The following DGKK variants were observed in gnomAD, a reference collection of about 807,000 sequenced individuals.
DGKK encodes the protein 142 kDa diacylglycerol kinase.
In DGKK, 35 loss-of-function variants were observed where a neutral mutation model predicts 92.2. The observed-to-expected ratio is 0.38, with a 90% CI of 0.29 to 0.50. DGKK has a LOEUF of 0.50. Among genes scored for constraint, DGKK ranks in the 20% least tolerant of loss-of-function variants. The pLI, the probability that DGKK is intolerant of heterozygous loss-of-function variation, is 0.92. For synonymous variants in DGKK, 368 were observed against 360.6 expected, an observed-to-expected ratio of 1.02 and a Z score of -0.23; for missense variants, 910 against 992.2, an observed-to-expected ratio of 0.92 and a Z score of 1.11.
At chrX:50,431,005 A>G (rs1190641277) in intron 1 of DGKK, among the ~76,000 whole-genome samples, 2 of 110,616 alleles carry the variant, frequency 1.8e-5, no homozygotes, top group Non-Finnish European at 3.8e-5. Flanking sequence ...AGCTTCTACT[A>G]TCTGCTACAT....
At chrX:50,427,723 A>G (rs1344388062) in intron 1 of DGKK, among the ~76,000 whole-genome samples, 1 of 109,381 alleles carries the variant, frequency 9.1e-6, no homozygotes, top group African/African-American at 3.3e-5. Flanking sequence ...ATTTTTCTAT[A>G]TATCTAAAAC....
intron 18 of DGKK, 49 bp from the exon 19 acceptor site, chrX:50,380,126 T>C: frequency 4.0e-6 from 4 of 1,011,558 alleles, no homozygotes; most frequent in Non-Finnish European, 5.6e-6. Context: ...GATATATAGA[T>C]AAATGGTGGA....
rs782791352 is a variant in DGKK at position 50,370,497 on chromosome X, G to A, written c.3665C>T (p.Pro1222Leu). 2.5e-5 allele frequency: 30 copies of A among 1,193,537 alleles called. No individual in the cohort carries two copies. The Admixed American group carries it at 6.7e-4, about 27-fold the overall frequency. ...SRSLRLKIKF[P>L]KLGKKKVEEE... is the part of the protein sequence containing the mutation. ...TTCTACCTTTTTCTTTCCCAATTTGGGGAACTTAATTTTCAGCCTGAGGCT... is the reference window on the plus strand; with the variant it reads ...TTCTACCTTTTTCTTTCCCAATTTGAGGAACTTAATTTTCAGCCTGAGGCT... Residue 1222 changes from proline (P) to leucine (L), a missense_variant, in exon 27 of 28, where the codon CCC becomes CTC. Coordinates refer to ENST00000611977, the MANE Select transcript of DGKK (RefSeq NM_001013742.4).
chrX:50,418,435 A>T (rs1227254885), intron 4 of DGKK, among the ~76,000 whole-genome samples: 2 of 111,620 alleles, frequency 1.8e-5, no homozygotes, highest in Admixed American at 1.9e-4. Flanking sequence ...CTAGTTTCCA[A>T]TAGATTATCC....
chrX:50,369,028 G>GA lies in DGKK; in HGVS notation c.3737-10dup, dbSNP rs782242724. The GA allele has an allele frequency of 1.1e-3, 1,252 of 1,182,949 alleles. No homozygotes were observed. The highest frequency in any genetic ancestry group is 1.3e-3 in the Non-Finnish European group (1,105 of 876,382). ...GCGGTGCCATAAATTGCCTTCAGAG[G>GA]AAAAAAAATGGTATAGAAATAATGA... On this transcript the variant is annotated splice_polypyrimidine_tract_variant and intron_variant, in intron 27 of 27. Transcript: ENST00000611977.
At chrX:50,374,359 G>C (rs1188550347) in intron 25 of DGKK, among the ~76,000 whole-genome samples, 3 of 111,657 alleles carry the variant, frequency 2.7e-5, no homozygotes, top group Non-Finnish European at 5.6e-5. Context: ...CTGGAAGCTA[G>C]AAAGAGGCAA....
At chrX:50,404,406 G>T (rs1925093587) in intron 4 of DGKK, among the ~76,000 whole-genome samples, 1 of 109,074 alleles carries the variant, frequency 9.2e-6, no homozygotes, top group African/African-American at 3.3e-5. Flanking sequence ...TAATAGAGGG[G>T]CAGACCCTGG....
At chrX:50,375,746 G>A (rs184343013) in intron 24 of DGKK, among the ~76,000 whole-genome samples, 2 of 111,440 alleles carry the variant, frequency 1.8e-5, no homozygotes, top group East Asian at 2.8e-4. Flanking sequence ...GTTTCTCTTC[G>A]TTTATTGTCC....
intron 11 of DGKK, 117 bp from the exon 12 acceptor site, chrX:50,390,526 T>C: frequency 2.0e-6 from 1 of 511,064 alleles, no homozygotes; most frequent in Non-Finnish European, 3.2e-6. Context: ...AGGTGGGTTG[T>C]AGGGGGTGTC....
chrX:50,468,561 C>T (rs1242657936), intron 1 of DGKK, among the ~76,000 whole-genome samples: 1 of 111,422 alleles, frequency 9.0e-6, no homozygotes, highest in Non-Finnish European at 1.9e-5. Flanking sequence ...AGTCTCCCAC[C>T]GTCATGTTTT....
intron 11 of DGKK, 88 bp from the exon 12 acceptor site, chrX:50,390,497 A>C (rs1924659751): frequency 1.3e-6 from 1 of 781,050 alleles, no homozygotes; most frequent in Non-Finnish European, 1.9e-6. Flanking sequence ...AGAAGTAAAA[A>C]TGTTTATGTG....
chrX:50,388,734 G>A (rs1438412659), intron 12 of DGKK, 116 bp from the exon 13 acceptor site: 7 of 458,785 alleles, frequency 1.5e-5, no homozygotes, highest in Non-Finnish European at 2.5e-5. Flanking sequence ...CAACTCAACT[G>A]CCTCTCTGGA....
At chrX:50,414,365 A>G (rs1452409965) in intron 4 of DGKK, among the ~76,000 whole-genome samples, 1 of 111,596 alleles carries the variant, frequency 9.0e-6, no homozygotes, top group Non-Finnish European at 1.9e-5. Context: ...ACCATAAAAA[A>G]TGATAGGTAA....
chrX:50,470,667 T>A lies in DGKK; in HGVS notation c.12A>T (p.Gly4=). 9.0e-7 allele frequency: 1 copy of A among 1,112,271 alleles called. No individual in the cohort carries two copies. Among genetic ancestry groups the A allele is most frequent in the Non-Finnish European group, 1.2e-6 (1 of 854,240 alleles). 91.7% of individuals were successfully genotyped at this position (1,112,271 alleles called of 1,213,427 possible). The change falls in exon 1 of 28, where the codon GGA becomes GGT. Residue 4 remains glycine, a synonymous_variant. Coordinates refer to ENST00000611977, the MANE Select transcript of DGKK (RefSeq NM_001013742.4). ...GGGCAGTGCCCTGGGCTGCGGCAGCTCCGCGGTCCATGGCCGCACACCGCT... is the reference window on the plus strand; with the variant it reads ...GGGCAGTGCCCTGGGCTGCGGCAGCACCGCGGTCCATGGCCGCACACCGCT... MDR[G]AAAAQGTAPP...
intron 14 of DGKK, 128 bp downstream of exon 14, chrX:50,387,426 G>T: frequency 1.9e-6 from 1 of 516,563 alleles, no homozygotes. Context: ...TCCTCATCAG[G>T]GAGGCTTAAC....
intron 8 of DGKK, among the ~76,000 whole-genome samples, chrX:50,399,882 T>C (rs782361879): frequency 1.8e-5 from 2 of 111,283 alleles, no homozygotes; most frequent in East Asian, 5.7e-4. Flanking sequence ...AAAGAAAAAG[T>C]AGGGAAGGAG....
At position 50,470,177 on chromosome X, in the gene DGKK, C is replaced by T. The variant is rs782108080; in HGVS notation, c.502G>A (p.Glu168Lys). 4.1e-6 allele frequency: 5 copies of T among 1,210,824 alleles called. No individual in the cohort carries two copies. The African/African-American group carries it at 7.0e-5, about 17-fold the overall frequency. The change falls in exon 1 of 28, where the codon GAG (glutamate) becomes AAG (lysine). Residue 168 changes from glutamate (E) to lysine (K), a missense_variant. Physicochemically the swap from Glu to Lys is moderately conservative, Grantham distance 56 (BLOSUM62 1). Transcript: ENST00000611977. ...CTTGGACGGAACTCTGGAGCCGCCT[C>T]AGGGCAGAACTCTGGGGCCAGCTCT... is the stretch of plus-strand genomic sequence containing the variant. ...VTELAPEFCP[E>K]AAPEFRPSPA...
At chrX:50,388,341 G>A (rs930587159) in intron 13 of DGKK, among the ~76,000 whole-genome samples, 186 bp downstream of exon 13, 1 of 112,092 alleles carries the variant, frequency 8.9e-6, no homozygotes, top group Non-Finnish European at 1.9e-5. Flanking sequence ...TGGAGCAGCA[G>A]ACGACTTCAC....
chrX:50,402,992 G>A (rs1202203040), intron 7 of DGKK, 69 bp downstream of exon 7: 1 of 1,163,901 alleles, frequency 8.6e-7, no homozygotes, highest in Non-Finnish European at 1.2e-6. Flanking sequence ...GTGTATACAT[G>A]GTCAAGCTCT....
Sources: gnomAD v4.1 joint callset for allele counts (sites outside exome capture counted in the v4.1 genomes callset) on GRCh38, gnomAD v4.1.1 for gene constraint, MANE v1.5 for transcripts, NCBI Gene and HGNC (gene_info 2026-07-23, HGNC 2026-07-21) for gene names.